Variants in CCNY observed in about 807,000 individuals in gnomAD.
The protein encoded by CCNY is cyclin-Y.
A neutral mutation model predicts 42.8 loss-of-function variants in CCNY; 19 were observed. The ratio of observed to expected loss-of-function variants is 0.44; its 90% CI spans 0.31 to 0.65. The LOEUF is 0.65. Ranked by LOEUF, CCNY falls within the 30% of genes least tolerant of loss-of-function variation. CCNY has a pLI of 0.07. For synonymous variants in CCNY, 165 were observed against 162.7 expected, an observed-to-expected ratio of 1.01 and a Z score of -0.11; for missense variants, 370 against 437.3, an observed-to-expected ratio of 0.85 and a Z score of 1.37.
intron 3 of CCNY, among the ~76,000 whole-genome samples, chr10:35,320,409 G>A (rs757789932): frequency 9.2e-5 from 14 of 152,002 alleles, no homozygotes; most frequent in South Asian, 2.1e-4. Flanking sequence ...AACAAAATTC[G>A]CCATCCATTC....
At chr10:35,317,088 C>T (rs1431268273) in intron 3 of CCNY, among the ~76,000 whole-genome samples, 7 of 152,198 alleles carry the variant, frequency 4.6e-5, no homozygotes, top group African/African-American at 1.7e-4. Context: ...CTCAGATGAT[C>T]CATCCGCTTC....
chr10:35,548,353 C>T (rs1841163864), intron 7 of CCNY, among the ~76,000 whole-genome samples: 1 of 149,606 alleles, frequency 6.7e-6, no homozygotes, highest in Admixed American at 6.7e-5. Context: ...GGCTGGAGTG[C>T]AGTTTCACGA....
intron 1 of CCNY, among the ~76,000 whole-genome samples, chr10:35,386,147 G>A (rs890622943): frequency 6.6e-6 from 1 of 152,216 alleles, no homozygotes; most frequent in African/African-American, 2.4e-5. Context: ...CTACTGACCT[G>A]GGGATGCTTA....
At chr10:35,533,673 C>A (rs1454425874) in intron 7 of CCNY, among the ~76,000 whole-genome samples, 2 of 152,230 alleles carry the variant, frequency 1.3e-5, no homozygotes, top group African/African-American at 4.8e-5. Flanking sequence ...CACCGCACTC[C>A]CTGCTCATCA....
intron 3 of CCNY, among the ~76,000 whole-genome samples, chr10:35,310,466 T>C (rs913020532): frequency 6.6e-6 from 1 of 152,260 alleles, no homozygotes; most frequent in Non-Finnish European, 1.5e-5. Flanking sequence ...TTTTGATTTG[T>C]AGTTTTTTGA....
intron 1 of CCNY, among the ~76,000 whole-genome samples, chr10:35,459,614 G>T (rs927247858): frequency 3.3e-5 from 5 of 152,118 alleles, no homozygotes; most frequent in Admixed American, 2.6e-4. Context: ...TCTTATAGGG[G>T]TATAAACAAA....
At chr10:35,493,650 C>G (rs973244719) in intron 2 of CCNY, among the ~76,000 whole-genome samples, 1 of 152,172 alleles carries the variant, frequency 6.6e-6, no homozygotes, top group African/African-American at 2.4e-5. Flanking sequence ...ACTGCCTGAA[C>G]TGGAGGCTTA....
intron 3 of CCNY, among the ~76,000 whole-genome samples, chr10:35,326,061 G>C (rs188816422): frequency 6.6e-6 from 1 of 152,168 alleles, no homozygotes; most frequent in African/African-American, 2.4e-5. Context: ...AGGCAACAGG[G>C]CAAGACTTTG....
chr10:35,370,198 C>T (rs1836899207), intron 1 of CCNY, among the ~76,000 whole-genome samples: 1 of 151,446 alleles, frequency 6.6e-6, no homozygotes, highest in Non-Finnish European at 1.5e-5. Context: ...GTTGCCCAGG[C>T]TGGAGGGCCG....
intron 8 of CCNY, among the ~76,000 whole-genome samples, chr10:35,553,743 C>T (rs1398920956): frequency 1.3e-5 from 2 of 152,096 alleles, no homozygotes; most frequent in African/African-American, 4.8e-5. Context: ...GGGAGGGCAT[C>T]GCCCTTGGGG....
intron 3 of CCNY, among the ~76,000 whole-genome samples, chr10:35,311,689 C>G: frequency 6.7e-6 from 1 of 149,602 alleles, no homozygotes; most frequent in Non-Finnish European, 1.5e-5. Context: ...CCCACCCCCC[C>G]AAAAAAAAGT....
At chr10:35,404,195 G>C (rs1837706411) in intron 1 of CCNY, among the ~76,000 whole-genome samples, 1 of 152,240 alleles carries the variant, frequency 6.6e-6, no homozygotes, top group Admixed American at 6.5e-5. Context: ...GCCTCTAAAA[G>C]TATTAGGGCG....
chr10:35,361,196 C>G (rs756985391), intron 1 of CCNY, among the ~76,000 whole-genome samples: 10 of 152,172 alleles, frequency 6.6e-5, no homozygotes, highest in Non-Finnish European at 1.2e-4. Context: ...TTTATTGTTT[C>G]ATTTTCTCTC....
At chr10:35,499,190 C>T (rs879253358) in intron 2 of CCNY, among the ~76,000 whole-genome samples, 3 of 152,070 alleles carry the variant, frequency 2.0e-5, no homozygotes, top group Admixed American at 2.0e-4. Flanking sequence ...AAGATATACC[C>T]CAGACTGGGC....
intron 1 of CCNY, among the ~76,000 whole-genome samples, chr10:35,400,931 C>CT (rs985553441): frequency 4.6e-5 from 7 of 151,674 alleles, no homozygotes; most frequent in African/African-American, 7.3e-5. Flanking sequence ...TTAATGCGCA[C>CT]TTTTTTTTTG....
chr10:35,417,621 C>T (rs1241298342), intron 1 of CCNY, among the ~76,000 whole-genome samples: 4 of 152,038 alleles, frequency 2.6e-5, no homozygotes, highest in African/African-American at 4.8e-5. Context: ...AGCTTTTGGT[C>T]GTGTAGTTTT....
chr10:35,424,669 G>C (rs1228820719), intron 1 of CCNY, among the ~76,000 whole-genome samples: 1 of 152,100 alleles, frequency 6.6e-6, no homozygotes, highest in Non-Finnish European at 1.5e-5. Flanking sequence ...TGCTTGCCAG[G>C]GTCTCCCAGC....
chr10:35,408,506 C>A (rs371668887), intron 1 of CCNY, among the ~76,000 whole-genome samples: 1 of 132,182 alleles, frequency 7.6e-6, no homozygotes, highest in African/African-American at 3.0e-5. Context: ...TTCTCAAGGG[C>A]GGGGAGAATT....
chr10:35,271,736 C>T (rs771621412), intron 3 of CCNY, among the ~76,000 whole-genome samples: 21 of 152,150 alleles, frequency 1.4e-4, no homozygotes, highest in Non-Finnish European at 2.9e-4. Context: ...GGCTTGTAAT[C>T]CATTTCCTTG....
Sources: gnomAD v4.1 joint callset for allele counts (sites outside exome capture counted in the v4.1 genomes callset) on GRCh38, gnomAD v4.1.1 for gene constraint, MANE v1.5 for transcripts, NCBI Gene and HGNC (gene_info 2026-07-23, HGNC 2026-07-21) for gene names.